Variants in CACNA2D3 observed in about 807,000 individuals in gnomAD.
CACNA2D3 encodes calcium voltage-gated channel auxiliary subunit alpha2delta 3, also known as voltage-dependent calcium channel subunit alpha-2/delta-3.
A neutral mutation model predicts 160.6 loss-of-function variants in CACNA2D3; 60 were observed. The ratio of observed to expected loss-of-function variants is 0.37; its 90% CI spans 0.30 to 0.46. The LOEUF is 0.46. Ranked by LOEUF, CACNA2D3 falls within the 20% of genes least tolerant of loss-of-function variation. The pLI, the probability that CACNA2D3 is intolerant of heterozygous loss-of-function variation, is 1.00. For missense variants in CACNA2D3, 1,205 were observed against 1,365.0 expected (o/e 0.88, Z 1.85); for synonymous variants, 558 against 492.9 (o/e 1.13, Z -1.75).
intron 11 of CACNA2D3, among the ~76,000 whole-genome samples, chr3:54,705,904 C>G (rs538698190): frequency 6.6e-6 from 1 of 152,118 alleles, no homozygotes; most frequent in African/African-American, 2.4e-5. Context: ...TCTCATGCCT[C>G]ATAAAGTGAT....
At chr3:54,639,755 A>T (rs1268694771) in intron 10 of CACNA2D3, 1 of 160,356 alleles carries the variant, frequency 6.2e-6, no homozygotes, top group East Asian at 1.8e-4. Flanking sequence ...ACCAAATTTC[A>T]TGCGCGTCCG....
intron 9 of CACNA2D3, chr3:54,626,283 GCTGCTGGACATGTCCTA>G: frequency 6.8e-7 from 1 of 1,471,290 alleles, no homozygotes. Context: ...ACCTGGACCA[GCTGCTGGACATGTCCTA>G]CAAGCGGCTG....
rs572670642 is a variant in CACNA2D3, at chr3:54,243,707, A to G, written c.205-76735A>G. 1.1e-4 allele frequency among the ~76,000 whole-genome samples: 17 copies of G among 152,292 alleles called. No homozygotes were observed. In the South Asian group the frequency reaches 2.3e-3, roughly 20 times the overall value. ...ACAGCGTCCTGGAGGAGGCTGGCCAATTATCTGGCTCCAGGCTCCAGACTT... is the reference window on the plus strand; with the variant it reads ...ACAGCGTCCTGGAGGAGGCTGGCCAGTTATCTGGCTCCAGGCTCCAGACTT... On this transcript the variant is annotated intron_variant, in intron 2 of 37. Transcript: ENST00000474759.
At chr3:54,444,744 A>T (rs763249201) in intron 4 of CACNA2D3, among the ~76,000 whole-genome samples, 3 of 152,174 alleles carry the variant, frequency 2.0e-5, no homozygotes, top group Non-Finnish European at 4.4e-5. Context: ...AGGCCCTCAG[A>T]GCTGTCTACT....
chr3:54,983,829 T>G (rs1395606901), intron 29 of CACNA2D3, among the ~76,000 whole-genome samples: 1 of 152,248 alleles, frequency 6.6e-6, no homozygotes, highest in Non-Finnish European at 1.5e-5. Flanking sequence ...AAATAGAAAC[T>G]GAGTTACATC....
intron 20 of CACNA2D3, 57 bp from the exon 21 acceptor site, chr3:54,880,739 C>A: frequency 7.3e-7 from 1 of 1,368,208 alleles, no homozygotes; most frequent in Non-Finnish European, 1.0e-6. Flanking sequence ...TGTTAGCCCA[C>A]AAGTCTATTC....
intron 27 of CACNA2D3, among the ~76,000 whole-genome samples, chr3:54,957,174 T>G (rs914843450): frequency 1.2e-4 from 18 of 152,142 alleles, no homozygotes; most frequent in African/African-American, 4.1e-4. Flanking sequence ...TTCTTTTTTT[T>G]TTTTTTAGAG....
At chr3:54,759,811 C>T (rs1196626485) in intron 12 of CACNA2D3, among the ~76,000 whole-genome samples, 2 of 152,176 alleles carry the variant, frequency 1.3e-5, no homozygotes, top group South Asian at 4.1e-4. Context: ...CTCTCCTGTC[C>T]CTTCCCAGCA....
At chr3:55,073,668 CTG>C (rs1491519491) in intron 36 of CACNA2D3, 107 bp from the exon 37 acceptor site, 1 of 1,237,992 alleles carries the variant, frequency 8.1e-7, no homozygotes, top group Non-Finnish European at 1.2e-6. Flanking sequence ...ATCCTTTCCA[CTG>C]TTGGAGAGAG....
At position 54,685,644 on chromosome 3, in the gene CACNA2D3, A is replaced by G. The variant is rs139831737; in HGVS notation, c.1167+43403A>G. The stretch of plus-strand genomic sequence containing the variant: ...TTAACCTCCGTTGTCTCATCTGGGA[A>G]AATAATATACCACCTATAATGTGCT... On this transcript the variant is annotated intron_variant, in intron 11 of 37. Transcript: ENST00000474759. Among the ~76,000 whole-genome samples the G allele has an allele frequency of 3.2e-3, 493 of 152,332 alleles. 1 individual carries two copies. The highest frequency in any genetic ancestry group is 4.5e-3 in the Non-Finnish European group (309 of 68,030).
intron 9 of CACNA2D3, among the ~76,000 whole-genome samples, chr3:54,621,780 A>C (rs2106805415): frequency 6.6e-6 from 1 of 152,312 alleles, no homozygotes; most frequent in Non-Finnish European, 1.5e-5. Context: ...AGGCAAAATA[A>C]TTCCTTTTCC....
chr3:54,954,345 C>T (rs1701829433), intron 27 of CACNA2D3, among the ~76,000 whole-genome samples: 1 of 152,184 alleles, frequency 6.6e-6, no homozygotes, highest in African/African-American at 2.4e-5. Flanking sequence ...GGGAGGCTGT[C>T]TCCTTTCTGG....
intron 11 of CACNA2D3, among the ~76,000 whole-genome samples, chr3:54,717,781 ATGTGCGTGTGTGG>A (rs1424743668): frequency 5.0e-5 from 3 of 60,088 alleles, no homozygotes; most frequent in South Asian, 6.6e-4. Context: ...GTGTGTGTGC[ATGTGCGTGTGTGG>A]TGTGCGTGTG....
At chr3:54,879,243 AC>A (rs1332357263) in intron 19 of CACNA2D3, 106 bp from the exon 20 acceptor site, 1 of 909,168 alleles carries the variant, frequency 1.1e-6, no homozygotes, top group Admixed American at 2.4e-5. Flanking sequence ...AGTACTGTTA[AC>A]CTGATCATAG....
chr3:54,243,296 A>AG (rs1405574328), intron 2 of CACNA2D3, among the ~76,000 whole-genome samples: 1 of 152,242 alleles, frequency 6.6e-6, no homozygotes. Context: ...AGCTGATGCC[A>AG]GAAGAATCGG....
At chr3:54,576,112 G>A (rs1467023891) in intron 8 of CACNA2D3, among the ~76,000 whole-genome samples, 2 of 152,156 alleles carry the variant, frequency 1.3e-5, no homozygotes, top group East Asian at 1.9e-4. Context: ...GATGCGCCCC[G>A]AAGCCGGTCC....
chr3:54,620,085 C>G (rs1338799638), intron 9 of CACNA2D3, among the ~76,000 whole-genome samples: 1 of 152,106 alleles, frequency 6.6e-6, no homozygotes, highest in Non-Finnish European at 1.5e-5. Flanking sequence ...GTTTGGAGCA[C>G]AGTAGTAGTG....
chr3:54,483,113 C>T (rs903255258), intron 4 of CACNA2D3, among the ~76,000 whole-genome samples: 5 of 152,082 alleles, frequency 3.3e-5, no homozygotes, highest in Non-Finnish European at 7.4e-5. Flanking sequence ...TGAGAGCATG[C>T]GATTGCTATT....
At chr3:54,560,192 AC>A (rs1411510683) in intron 5 of CACNA2D3, among the ~76,000 whole-genome samples, 2 of 152,028 alleles carry the variant, frequency 1.3e-5, no homozygotes, top group African/African-American at 2.4e-5. Flanking sequence ...ACTAATTTAC[AC>A]CCCCACCAAC....
Sources: allele counts gnomAD v4.1 joint callset (sites outside exome capture counted in the v4.1 genomes callset), GRCh38; gene constraint gnomAD v4.1.1; transcripts MANE v1.5; gene names NCBI Gene and HGNC (gene_info 2026-07-23, HGNC 2026-07-21).